The following ABCD3 variants were observed in gnomAD, a reference collection of about 807,000 sequenced individuals.
ABCD3 encodes the protein ATP binding cassette subfamily D member 3, also known as ATP-binding cassette sub-family D member 3.
A neutral mutation model predicts 105.5 loss-of-function variants in ABCD3; 41 were observed. The ratio of observed to expected loss-of-function variants is 0.39; its 90% CI spans 0.30 to 0.50. ABCD3 has a LOEUF of 0.50. Ranked by LOEUF, ABCD3 falls within the 20% of genes least tolerant of loss-of-function variation. The pLI is 0.84. For synonymous variants in ABCD3, 258 were observed against 269.0 expected (o/e 0.96, Z 0.40); for missense variants, 622 against 806.3 (o/e 0.77, Z 2.77).
chr1:94,449,946 T>TA (rs1447700740), intron 1 of ABCD3, among the ~76,000 whole-genome samples: 1 of 152,274 alleles, frequency 6.6e-6, no homozygotes, highest in Non-Finnish European at 1.5e-5. Context: ...TTAATGGCTG[T>TA]TAACAAGATC....
At chr1:94,422,331 T>C (rs938557930) in intron 1 of ABCD3, among the ~76,000 whole-genome samples, 1 of 152,164 alleles carries the variant, frequency 6.6e-6, no homozygotes, top group Non-Finnish European at 1.5e-5. Flanking sequence ...GTGAACCTGT[T>C]GTAAACTGCA....
In ABCD3 at chr1:94,464,812, T is replaced by A; in HGVS notation, c.185T>A (p.Val62Glu). ...GKKERAVVDKVFFSRLIQILK... is the reference protein window; with the variant it reads ...GKKERAVVDKEFFSRLIQILK... ...AAGGAGCGAGCTGTGGTGGACAAGG[T>A]GTTTTTCTCAAGGCTCATACAGATT... is the stretch of plus-strand genomic sequence containing the variant. The change falls in exon 3 of 23, where the codon GTG becomes GAG. Residue 62 changes from valine to glutamate, a missense_variant. Around this residue, in one of 4 missense-constraint regions of ABCD3, gnomAD observed 89 missense variants for 77.5 expected, o/e 1.15. Coordinates refer to ENST00000370214, the MANE Select transcript of ABCD3 (RefSeq NM_002858.4). 6.2e-7 allele frequency: 1 copy of A among 1,613,922 alleles called. No homozygotes were observed. The highest frequency in any genetic ancestry group is 8.5e-7 in the Non-Finnish European group (1 of 1,179,962).
intron 1 of ABCD3, among the ~76,000 whole-genome samples, chr1:94,421,017 T>G (rs1659239270): frequency 6.6e-6 from 1 of 152,154 alleles, no homozygotes; most frequent in Admixed American, 6.5e-5. Flanking sequence ...CTGGGTTACT[T>G]TTAATTTTTG....
intron 20 of ABCD3, among the ~76,000 whole-genome samples, chr1:94,505,039 A>G (rs1421902304): frequency 2.6e-5 from 4 of 152,136 alleles, no homozygotes; most frequent in African/African-American, 7.2e-5. Context: ...TGATAGTTTC[A>G]TTTGCTGAAG....
chr1:94,411,469 A>G, the ABCD3 span, among the ~76,000 whole-genome samples: 1 of 152,214 alleles, frequency 6.6e-6, no homozygotes, highest in Non-Finnish European at 1.5e-5. Flanking sequence ...AATAATAGTA[A>G]TAAATGAAAA....
chr1:94,436,780 C>T (rs888837259), intron 1 of ABCD3, among the ~76,000 whole-genome samples: 3 of 152,074 alleles, frequency 2.0e-5, no homozygotes, highest in African/African-American at 4.8e-5. Flanking sequence ...TTTGGGGTGC[C>T]ATGAAATTCA....
At chr1:94,438,301 TACACACACACACACACACACACAC>T (rs58959540) in intron 1 of ABCD3, among the ~76,000 whole-genome samples, 90 of 128,204 alleles carry the variant, frequency 7.0e-4, no homozygotes, top group Non-Finnish European at 1.3e-3. Flanking sequence ...CACACACACA[TACACACACACACACACACACACAC>T]ACACACACAC....
chr1:94,440,369 T>C (rs1660086474), intron 1 of ABCD3, among the ~76,000 whole-genome samples: 1 of 152,264 alleles, frequency 6.6e-6, no homozygotes, highest in Non-Finnish European at 1.5e-5. Flanking sequence ...GTTTCTTTCT[T>C]ACCCTTTGTT....
At chr1:94,514,184 G>C (rs968000391) in intron 21 of ABCD3, 4 of 152,160 alleles carry the variant, frequency 2.6e-5, no homozygotes, top group Admixed American at 1.3e-4. Flanking sequence ...CCCAGAGTGG[G>C]GTTTCTCAGT....
intron 4 of ABCD3, among the ~76,000 whole-genome samples, chr1:94,469,141 G>T (rs769912974): frequency 1.3e-5 from 2 of 152,096 alleles, no homozygotes; most frequent in Admixed American, 1.3e-4. Context: ...CGTGGAGCCG[G>T]TCTTTTTTCC....
At chr1:94,447,151 T>C (rs991516132) in intron 1 of ABCD3, among the ~76,000 whole-genome samples, 1 of 152,242 alleles carries the variant, frequency 6.6e-6, no homozygotes, top group Non-Finnish European at 1.5e-5. Flanking sequence ...TAAGCCAATT[T>C]GGATAGAACA....
intron 8 of ABCD3, chr1:94,480,117 G>A (rs1259826188): frequency 1.4e-5 from 4 of 286,494 alleles, no homozygotes; most frequent in Non-Finnish European, 2.0e-5. Flanking sequence ...AGAAAAAGAG[G>A]TCTAAGAATT....
chr1:94,510,177 C>A (rs934330534), intron 21 of ABCD3, among the ~76,000 whole-genome samples: 2 of 152,122 alleles, frequency 1.3e-5, no homozygotes, highest in African/African-American at 4.8e-5. Context: ...CCCAGAGATT[C>A]TGGTATGTTG....
At chr1:94,418,274 C>T (rs1001100411), upstream of ABCD3, among the ~76,000 whole-genome samples, 1 of 152,208 alleles carries the variant, frequency 6.6e-6, no homozygotes, top group Non-Finnish European at 1.5e-5. Flanking sequence ...CCCACGGAGG[C>T]TGCCGAGCGC....
intron 1 of ABCD3, among the ~76,000 whole-genome samples, chr1:94,427,285 C>G (rs1659504993): frequency 6.6e-6 from 1 of 152,110 alleles, no homozygotes; most frequent in Non-Finnish European, 1.5e-5. Context: ...GCCTTGGTCT[C>G]TTACATGGAA....
chr1:94,454,586 ATC>A (rs1339617375), intron 1 of ABCD3, among the ~76,000 whole-genome samples: 1 of 152,182 alleles, frequency 6.6e-6, no homozygotes, highest in Non-Finnish European at 1.5e-5. Flanking sequence ...CTAGGATAGT[ATC>A]TCTTTGACCT....
At chr1:94,415,856 T>G (rs1489122834), upstream of ABCD3, among the ~76,000 whole-genome samples, 1 of 152,174 alleles carries the variant, frequency 6.6e-6, no homozygotes, top group Non-Finnish European at 1.5e-5. Flanking sequence ...ATTTCTTCCT[T>G]TTTTTTGAGA....
the ABCD3 span, among the ~76,000 whole-genome samples, chr1:94,398,797 C>G: frequency 6.6e-6 from 1 of 151,970 alleles, no homozygotes; most frequent in Non-Finnish European, 1.5e-5. Context: ...ACCTGTTATT[C>G]CAGCTACTCT....
chr1:94,488,891 C>G (rs1169512059), intron 13 of ABCD3, among the ~76,000 whole-genome samples: 1 of 151,652 alleles, frequency 6.6e-6, no homozygotes, highest in Non-Finnish European at 1.5e-5. Context: ...CCCTTCGTCT[C>G]CCTGCCCCCC....
Sources: gnomAD v4.1 joint callset for allele counts (sites outside exome capture counted in the v4.1 genomes callset) on GRCh38, gnomAD v4.1.1 for gene constraint, gnomAD v4.1.1 regional missense constraint, MANE v1.5 for transcripts, NCBI Gene and HGNC (gene_info 2026-07-23, HGNC 2026-07-21) for gene names.